The following CERKL variants were observed in gnomAD, a reference collection of about 807,000 sequenced individuals.
CERKL encodes CERK like autophagy regulator, also known as ceramide kinase-like protein.
In CERKL, 61 loss-of-function variants were observed where a neutral mutation model predicts 63.4. That is an observed-to-expected ratio of 0.96 (90% CI 0.78 to 1.19). The LOEUF (loss-of-function observed/expected upper bound fraction) is 1.19. CERKL is among the 50% of genes most tolerant of loss of function. The pLI, the probability that CERKL is intolerant of heterozygous loss-of-function variation, is 0.00. For missense variants in CERKL, 675 were observed against 655.5 expected, an observed-to-expected ratio of 1.03 and a Z score of -0.33; for synonymous variants, 250 against 230.5, an observed-to-expected ratio of 1.08 and a Z score of -0.77.
intron 10 of CERKL, among the ~76,000 whole-genome samples, chr2:181,545,605 C>T (rs960883126): frequency 6.6e-6 from 1 of 152,102 alleles, no homozygotes; most frequent in Non-Finnish European, 1.5e-5. Flanking sequence ...TCTCATCATT[C>T]GCTCATTTCA....
intron 1 of CERKL, among the ~76,000 whole-genome samples, chr2:181,634,544 G>C (rs1365519524): frequency 6.6e-6 from 1 of 152,152 alleles, no homozygotes; most frequent in East Asian, 1.9e-4. Context: ...GAACATGATA[G>C]ACAGTACGTA....
intron 1 of CERKL, among the ~76,000 whole-genome samples, chr2:181,604,598 G>A (rs552754326): frequency 2.6e-5 from 4 of 152,150 alleles, no homozygotes; most frequent in Non-Finnish European, 4.4e-5. Flanking sequence ...TAAACAAAGC[G>A]ACATTTTAGT....
intron 1 of CERKL, among the ~76,000 whole-genome samples, chr2:181,608,360 T>C (rs1685809805): frequency 7.1e-6 from 1 of 141,228 alleles, no homozygotes; most frequent in African/African-American, 2.6e-5. Context: ...ACATATAAAT[T>C]GAGAGTCTCT....
chr2:181,539,885 T>C (rs1687415526), intron 11 of CERKL, among the ~76,000 whole-genome samples: 1 of 152,322 alleles, frequency 6.6e-6, no homozygotes, highest in South Asian at 2.1e-4. Flanking sequence ...CTAAGGAAAC[T>C]ATACTGAAAA....
intron 4 of CERKL, among the ~76,000 whole-genome samples, chr2:181,562,819 GT>G (rs367651751): frequency 3.1e-4 from 47 of 151,578 alleles, no homozygotes; most frequent in African/African-American, 9.9e-4. Flanking sequence ...TTGATTCACA[GT>G]TTTTTTTCTT....
intron 2 of CERKL, among the ~76,000 whole-genome samples, chr2:181,600,698 C>A (rs192502215): frequency 1.2e-3 from 176 of 152,250 alleles, no homozygotes; most frequent in African/African-American, 4.1e-3. Flanking sequence ...TTGGAGCACC[C>A]AGGTTCATAA....
chr2:181,588,620 C>T (rs2105871842), intron 2 of CERKL, among the ~76,000 whole-genome samples: 1 of 152,272 alleles, frequency 6.6e-6, no homozygotes, highest in Non-Finnish European at 1.5e-5. Flanking sequence ...CGTGGAATTG[C>T]TGGATCATAT....
Position 181,544,821 on chromosome 2 carries a change from C to T in CERKL, c.1269-25G>A, listed in dbSNP as rs79592949. On this transcript the variant is annotated intron_variant, in intron 10 of 12. Transcript: ENST00000410087. ...TCTGAAATTAAATATTTCTATTAGACATCAAGAAATTTACTAAGAGATTAT... is the reference window on the plus strand; with the variant it reads ...TCTGAAATTAAATATTTCTATTAGATATCAAGAAATTTACTAAGAGATTAT... 3.4e-3 allele frequency: 4,904 copies of T among 1,435,076 alleles called. 152 individuals carry two copies. The African/African-American group carries it at 0.062, about 18-fold the overall frequency. The allele number at this position is 1,435,076 out of a possible 1,614,324, so 88.9% of individuals were successfully genotyped here.
In CERKL at chr2:181,537,027, T is replaced by C; in HGVS notation, c.*1157A>G. The C allele has an allele frequency of 2.2e-6, 1 of 444,536 alleles. No individual in the cohort carries two copies. Among genetic ancestry groups the C allele is most frequent in the Non-Finnish European group, 4.5e-6 (1 of 221,852 alleles). 27.5% of individuals were successfully genotyped at this position (444,536 alleles called of 1,614,324 possible). A position where few individuals can be genotyped will look rare whatever the true frequency, so the allele number is the denominator to read the frequency against. ...AGTGATGGTGAGGAATGTTCTGAGATTTGCGAAGGCATTTGAGTAGTGAAA... is the reference window on the plus strand; with the variant it reads ...AGTGATGGTGAGGAATGTTCTGAGACTTGCGAAGGCATTTGAGTAGTGAAA... On this transcript the variant is annotated 3_prime_UTR_variant, in exon 13 of 13. Coordinates refer to ENST00000410087, the MANE Select transcript of CERKL (RefSeq NM_201548.5).
chr2:181,638,355 A>G (rs1009636296), intron 1 of CERKL, among the ~76,000 whole-genome samples: 12 of 152,162 alleles, frequency 7.9e-5, no homozygotes, highest in African/African-American at 2.9e-4. Flanking sequence ...TTCAAGATGA[A>G]CCTGGAATAT....
chr2:181,610,291 C>G (rs939454394), intron 1 of CERKL, among the ~76,000 whole-genome samples: 5 of 152,116 alleles, frequency 3.3e-5, no homozygotes, highest in African/African-American at 1.2e-4. Context: ...ATTAAAACAA[C>G]AAGATACCAC....
At chr2:181,560,532 A>G (rs901608810) in intron 4 of CERKL, among the ~76,000 whole-genome samples, 7 of 152,182 alleles carry the variant, frequency 4.6e-5, no homozygotes, top group African/African-American at 1.7e-4. Context: ...CTATATATAT[A>G]TATCAGACAT....
chr2:181,623,057 G>A (rs1161540040), intron 1 of CERKL, among the ~76,000 whole-genome samples: 1 of 152,174 alleles, frequency 6.6e-6, no homozygotes, highest in Non-Finnish European at 1.5e-5. Flanking sequence ...TAAGGAAAGT[G>A]AATGCTAAAA....
At chr2:181,605,148 T>C (rs531260740) in intron 1 of CERKL, among the ~76,000 whole-genome samples, 2 of 152,240 alleles carry the variant, frequency 1.3e-5, no homozygotes, top group African/African-American at 2.4e-5. Context: ...GAAAACAAAG[T>C]GGACCCTACG....
chr2:181,622,053 T>C (rs1011483367), intron 1 of CERKL, among the ~76,000 whole-genome samples: 4 of 152,244 alleles, frequency 2.6e-5, no homozygotes, highest in Non-Finnish European at 4.4e-5. Flanking sequence ...ATATCATTTA[T>C]ATAGATAGCA....
At chr2:181,565,769 A>AT (rs1688638801) in intron 4 of CERKL, among the ~76,000 whole-genome samples, 1 of 152,148 alleles carries the variant, frequency 6.6e-6, no homozygotes, top group South Asian at 2.1e-4. Context: ...AAAGCAAATA[A>AT]TTATAGATGC....
chr2:181,607,134 C>T (rs1182636272), intron 1 of CERKL, among the ~76,000 whole-genome samples: 3 of 152,166 alleles, frequency 2.0e-5, no homozygotes, highest in African/African-American at 4.8e-5. Context: ...GCAAGGCTAT[C>T]GCCACATATC....
intron 1 of CERKL, among the ~76,000 whole-genome samples, chr2:181,624,657 T>C (rs910005902): frequency 6.6e-6 from 1 of 152,140 alleles, no homozygotes; most frequent in Non-Finnish European, 1.5e-5. Flanking sequence ...CACCAAGTGG[T>C]GACAATGATG....
Position 181,603,964 on chromosome 2 carries a change from T to C in CERKL, c.354A>G (p.Leu118=). The change falls in exon 2 of 13, where the codon TTA becomes TTG. Residue 118 remains leucine (L), a synonymous_variant. Transcript: ENST00000410087. Reference sequence around the variant, plus strand: ...TCAAGCAGATGAAGAGTGTGATACCTAATAAAGTACCACTTCTCTGCTGTT... The same window carrying C: ...TCAAGCAGATGAAGAGTGTGATACCCAATAAAGTACCACTTCTCTGCTGTT... ...SVKQQRSGTL[L]GITLFICLKK... 3 of 1,613,378 alleles carry C rather than the reference T, an allele frequency of 1.9e-6. No homozygotes were observed. The highest frequency in any genetic ancestry group is 2.5e-6 in the Non-Finnish European group (3 of 1,179,686).
Sources: gnomAD v4.1 joint callset for allele counts (sites outside exome capture counted in the v4.1 genomes callset) on GRCh38, gnomAD v4.1.1 for gene constraint, MANE v1.5 for transcripts, NCBI Gene and HGNC (gene_info 2026-07-23, HGNC 2026-07-21) for gene names.